Variants in KRT8 observed in about 807,000 individuals in gnomAD.
KRT8 encodes the protein keratin 8, also known as keratin, type II cytoskeletal 8.
KRT8 carries 24 observed loss-of-function variants against 43.0 expected under a neutral mutation model. That is an observed-to-expected ratio of 0.56 (90% CI 0.40 to 0.78). The LOEUF (loss-of-function observed/expected upper bound fraction) is 0.78. Among genes scored for constraint, KRT8 ranks in the 30% least tolerant of loss-of-function variants. The pLI is 0.00. For synonymous variants in KRT8, 214 were observed against 261.2 expected (o/e 0.82, Z 1.74); for missense variants, 492 against 638.4 (o/e 0.77, Z 2.47).
exon 1 of KRT8, chr12:52,904,757 G>A (rs762269088): frequency 2.2e-5 from 36 of 1,612,494 alleles, no homozygotes; most frequent in Non-Finnish European, 3.1e-5. Flanking sequence ...CCAGGACAAG[G>A]GGGCTCAGCA....
intron 2 of KRT8, among the ~76,000 whole-genome samples, chr12:52,912,102 C>T (rs767478968): frequency 3.3e-5 from 5 of 152,186 alleles, no homozygotes; most frequent in Non-Finnish European, 7.3e-5. Flanking sequence ...AAGAGACTGT[C>T]CTCAGAGCAG....
upstream of KRT8, among the ~76,000 whole-genome samples, chr12:52,910,721 A>G (rs1176635882): frequency 6.6e-6 from 1 of 152,208 alleles, no homozygotes; most frequent in Non-Finnish European, 1.5e-5. Flanking sequence ...AAGAACAAAC[A>G]GGAAGGACCT....
intron 2 of KRT8, among the ~76,000 whole-genome samples, chr12:52,944,390 C>T (rs953980923): frequency 2.6e-5 from 4 of 152,182 alleles, no homozygotes; most frequent in Non-Finnish European, 4.4e-5. Flanking sequence ...GCCACCTGGC[C>T]GAATCCAGGT....
chr12:52,941,642 C>T (rs1450844696), intron 2 of KRT8, among the ~76,000 whole-genome samples: 1 of 152,002 alleles, frequency 6.6e-6, no homozygotes, highest in Non-Finnish European at 1.5e-5. Context: ...GCATGTGCCA[C>T]CACGCCCAGC....
intron 2 of KRT8, among the ~76,000 whole-genome samples, chr12:52,940,653 T>A (rs1592187654): frequency 6.9e-6 from 1 of 144,182 alleles, no homozygotes; most frequent in Non-Finnish European, 1.5e-5. Context: ...TGAGACGAAG[T>A]CTCCCTCTGT....
chr12:52,943,562 A>T (rs960794034), intron 2 of KRT8, among the ~76,000 whole-genome samples: 3 of 151,678 alleles, frequency 2.0e-5, no homozygotes, highest in Non-Finnish European at 4.4e-5. Flanking sequence ...AGGCCACCTC[A>T]CCCACAACTG....
At chr12:52,914,042 G>A (rs1941686245) in intron 2 of KRT8, among the ~76,000 whole-genome samples, 1 of 152,128 alleles carries the variant, frequency 6.6e-6, no homozygotes, top group Non-Finnish European at 1.5e-5. Context: ...GACCAACATG[G>A]TGAAATCCCG....
intron 2 of KRT8, among the ~76,000 whole-genome samples, chr12:52,939,420 C>CT (rs1182382682): frequency 6.6e-6 from 1 of 152,052 alleles, no homozygotes; most frequent in African/African-American, 2.4e-5. Flanking sequence ...AGGAGAATCA[C>CT]TTGAACCTGG....
upstream of KRT8, among the ~76,000 whole-genome samples, chr12:52,910,980 AT>A (rs1266677040): frequency 6.6e-6 from 1 of 152,182 alleles, no homozygotes; most frequent in East Asian, 1.9e-4. Flanking sequence ...GAGATGAAGT[AT>A]TTGGGTCCTC....
chr12:52,936,329 A>G (rs886813052), intron 2 of KRT8, among the ~76,000 whole-genome samples: 9 of 152,108 alleles, frequency 5.9e-5, no homozygotes, highest in Non-Finnish European at 1.2e-4. Flanking sequence ...TCTTGTGATC[A>G]TAGCTCATGG....
chr12:52,912,161 G>A lies in KRT8; in HGVS notation c.-46-7134C>T, dbSNP rs543563224. Reference sequence around the variant, plus strand: ...AAGGTCTGAGGGAAAGGGACTGAGGGCGGGCACATTTTGATGGAAAGAGGA... The same window carrying A: ...AAGGTCTGAGGGAAAGGGACTGAGGACGGGCACATTTTGATGGAAAGAGGA... On this transcript the variant is annotated intron_variant, in intron 2 of 6. Transcript: ENST00000546826. Among the ~76,000 whole-genome samples, 419 of 152,368 alleles carry A rather than the reference G, an allele frequency of 2.7e-3. 2 individuals are homozygous for A. The highest frequency in any genetic ancestry group is 4.5e-3 in the Non-Finnish European group (307 of 68,038).
At chr12:52,902,861 A>C (rs1179027011) in intron 1 of KRT8, among the ~76,000 whole-genome samples, 1 of 152,048 alleles carries the variant, frequency 6.6e-6, no homozygotes, top group Non-Finnish European at 1.5e-5. Flanking sequence ...ATAATACAAA[A>C]ATTAACCGGG....
At chr12:52,924,169 C>G (rs1398606878) in intron 2 of KRT8, among the ~76,000 whole-genome samples, 1 of 152,102 alleles carries the variant, frequency 6.6e-6, no homozygotes, top group African/African-American at 2.4e-5. Context: ...ATACATTAGG[C>G]CAGGCGCAGT....
intron 2 of KRT8, chr12:52,947,695 C>G (rs1394663441): frequency 7.3e-6 from 1 of 137,686 alleles, no homozygotes; most frequent in Non-Finnish European, 1.5e-5. Flanking sequence ...TCAGGCTGGT[C>G]TCAAATTTTT....
chr12:52,911,787 C>T (rs1385230286), upstream of KRT8, among the ~76,000 whole-genome samples: 1 of 152,084 alleles, frequency 6.6e-6, no homozygotes, highest in Non-Finnish European at 1.5e-5. Context: ...AATCCCAGCA[C>T]TTTGGGTGGG....
chr12:52,918,180 G>GGAGGAAGAA (rs1941799080), intron 2 of KRT8, among the ~76,000 whole-genome samples: 1 of 73,718 alleles, frequency 1.4e-5, no homozygotes, highest in Non-Finnish European at 2.5e-5. Flanking sequence ...AAGAGGAAGA[G>GGAGGAAGAA]GAAGAAGAAG....
chr12:52,898,609 G>T, intron 6 of KRT8, 70 bp downstream of exon 6: 1 of 1,612,608 alleles, frequency 6.2e-7, no homozygotes, highest in East Asian at 2.2e-5. Context: ...GGCTTCAGGG[G>T]GCTCCCACCG....
At chr12:52,930,294 T>C (rs1020645223) in intron 2 of KRT8, among the ~76,000 whole-genome samples, 1 of 152,102 alleles carries the variant, frequency 6.6e-6, no homozygotes, top group African/African-American at 2.4e-5. Flanking sequence ...CTAGGCTCAC[T>C]GCAACCTCTG....
chr12:52,922,765 C>T (rs991518183), intron 2 of KRT8, among the ~76,000 whole-genome samples: 1 of 152,166 alleles, frequency 6.6e-6, no homozygotes, highest in African/African-American at 2.4e-5. Context: ...CCATCTACTT[C>T]CTAAGTCATG....
Sources: allele counts gnomAD v4.1 joint callset (sites outside exome capture counted in the v4.1 genomes callset), GRCh38; gene constraint gnomAD v4.1.1; transcripts MANE v1.5; gene names NCBI Gene and HGNC (gene_info 2026-07-23, HGNC 2026-07-21).